Variants in BACH2 observed in about 807,000 individuals in gnomAD.
BACH2 encodes the protein transcription regulator protein BACH2.
BACH2 carries 5 observed loss-of-function variants against 61.8 expected under a neutral mutation model. The ratio of observed to expected loss-of-function variants is 0.08; its 90% confidence interval spans 0.04 to 0.17. BACH2 has a LOEUF of 0.17. BACH2 is among the 10% of genes least tolerant of loss of function. The probability of loss-of-function intolerance (pLI) is 1.00; values close to 1 mark genes in which losing one functional copy is unlikely to be tolerated. For missense variants in BACH2, 824 were observed against 1,091.1 expected (o/e 0.76, Z 3.45); for synonymous variants, 446 against 440.1 (o/e 1.01, Z -0.17).
rs541226985 is a variant in BACH2 at position 90,157,876 on chromosome 6, C to T, written c.-162+48693G>A. 3.3e-5 allele frequency among the ~76,000 whole-genome samples: 5 copies of T among 152,174 alleles called. No individual in the cohort carries two copies. In the South Asian group the frequency reaches 1.0e-3, roughly 32 times the overall value. On this transcript the variant is annotated intron_variant, in intron 4 of 8. Transcript: ENST00000257749. ...TACTGATCACTAGAAACACAGAGAC[C>T]AGGAACTGCCTGCACATAGACAATA...
At chr6:90,295,983 C>T (rs1195394436) in intron 1 of BACH2, among the ~76,000 whole-genome samples, 1 of 152,048 alleles carries the variant, frequency 6.6e-6, no homozygotes, top group Admixed American at 6.5e-5. Context: ...ATGCGCACGC[C>T]GAGGGTTAAG....
intron 5 of BACH2, among the ~76,000 whole-genome samples, chr6:90,072,123 T>G (rs1013633440): frequency 4.6e-5 from 7 of 152,206 alleles, no homozygotes; most frequent in African/African-American, 1.7e-4. Context: ...GTTTAAGGGT[T>G]AATTGTACTA....
chr6:90,065,189 T>C (rs1780885056), intron 5 of BACH2, among the ~76,000 whole-genome samples: 1 of 149,652 alleles, frequency 6.7e-6, no homozygotes, highest in Non-Finnish European at 1.5e-5. Flanking sequence ...AGGTTGAATA[T>C]GAAATCCTTG....
chr6:90,229,447 G>A (rs193142699), intron 3 of BACH2, among the ~76,000 whole-genome samples: 12 of 142,680 alleles, frequency 8.4e-5, no homozygotes, highest in African/African-American at 3.0e-4. Context: ...GCTACACAGC[G>A]AGACTTTGTC....
rs755392753 is a variant in BACH2 at position 89,951,515 on chromosome 6, G to A, written c.591C>T (p.Ile197=). The A allele has an allele frequency of 6.2e-7, 1 of 1,614,242 alleles. No individual in the cohort carries two copies. The highest frequency in any genetic ancestry group is 8.5e-7 in the Non-Finnish European group (1 of 1,180,042). The change falls in exon 7 of 9, where the codon ATC becomes ATT. Residue 197 remains isoleucine, a synonymous_variant. Coordinates refer to ENST00000257749, the MANE Select transcript of BACH2 (RefSeq NM_021813.4). The surrounding 1 kb of genome is among the most constrained non-coding windows in gnomAD (Gnocchi z 6.4). The part of the protein sequence containing the change: ...PEPISFEAAA[I]PVAEKEEALL... ...GGGCTTCTTCCTTCTCTGCTACGGG[G>A]ATGGCGGCGGCCTCAAAGCTGATGG...
chr6:90,141,342 A>G (rs1202830771), intron 4 of BACH2, among the ~76,000 whole-genome samples: 1 of 151,922 alleles, frequency 6.6e-6, no homozygotes, highest in Non-Finnish European at 1.5e-5. Flanking sequence ...CACCATATCC[A>G]GCTAATTTTT....
intron 1 of BACH2, among the ~76,000 whole-genome samples, chr6:90,292,390 G>A (rs1236049750): frequency 1.3e-5 from 2 of 152,172 alleles, no homozygotes; most frequent in African/African-American, 4.8e-5. Context: ...AAACTCCCAT[G>A]GAGGTCCTCA....
chr6:90,119,794 C>G (rs1020394244), intron 4 of BACH2, among the ~76,000 whole-genome samples: 3 of 152,066 alleles, frequency 2.0e-5, no homozygotes. Flanking sequence ...CGTTCATCCA[C>G]CTTGAAAAAA....
intron 5 of BACH2, among the ~76,000 whole-genome samples, chr6:90,072,287 A>G (rs1336874180): frequency 6.6e-6 from 1 of 152,146 alleles, no homozygotes; most frequent in Non-Finnish European, 1.5e-5. Flanking sequence ...GAACTGTTTG[A>G]TTAGGTTAGA....
intron 1 of BACH2, among the ~76,000 whole-genome samples, chr6:90,295,977 G>C (rs550923893): frequency 6.6e-6 from 1 of 152,158 alleles, no homozygotes; most frequent in African/African-American, 2.4e-5. Flanking sequence ...CCCGGGATGC[G>C]CACGCCGAGG....
At chr6:90,288,821 G>C (rs1562544400) in intron 1 of BACH2, among the ~76,000 whole-genome samples, 1 of 151,960 alleles carries the variant, frequency 6.6e-6, no homozygotes, top group Non-Finnish European at 1.5e-5. Flanking sequence ...ACCTCTTACA[G>C]GTATAGTTTT....
At chr6:90,095,713 C>T (rs1381558189) in intron 4 of BACH2, among the ~76,000 whole-genome samples, 2 of 152,090 alleles carry the variant, frequency 1.3e-5, no homozygotes, top group African/African-American at 2.4e-5. Context: ...AGACTTTATA[C>T]ATAAAAATTG....
Position 90,136,278 on chromosome 6 carries a change from G to A in BACH2, c.-161-47169C>T, listed in dbSNP as rs563053277. 1.2e-4 allele frequency among the ~76,000 whole-genome samples: 18 copies of A among 152,242 alleles called. 1 individual carries two copies. In the South Asian group the frequency reaches 3.5e-3, roughly 30 times the overall value. On this transcript the variant is annotated intron_variant, in intron 4 of 8. Coordinates refer to ENST00000257749, the MANE Select transcript of BACH2 (RefSeq NM_021813.4). ...GGGTCAGTTCTATTATGGATAAATA[G>A]GACTATTAACACTGGTGGCTGCTTT...
chr6:90,218,701 G>C (rs1769630258), intron 3 of BACH2, among the ~76,000 whole-genome samples: 1 of 151,988 alleles, frequency 6.6e-6, no homozygotes, highest in South Asian at 2.1e-4. Flanking sequence ...AGGCCTGACG[G>C]ATTTGGCTAA....
intron 6 of BACH2, among the ~76,000 whole-genome samples, chr6:89,984,289 A>G (rs772425943): frequency 6.6e-6 from 1 of 152,174 alleles, no homozygotes; most frequent in Non-Finnish European, 1.5e-5. Flanking sequence ...CTGAAACACA[A>G]GAAAAGAGAA....
intron 2 of BACH2, among the ~76,000 whole-genome samples, chr6:90,269,952 TC>T (rs1771467083): frequency 6.6e-6 from 1 of 152,166 alleles, no homozygotes; most frequent in Admixed American, 6.5e-5. Flanking sequence ...GTCTCCAGAG[TC>T]CATTATATCA....
chr6:90,130,952 T>C (rs780436323), intron 4 of BACH2, among the ~76,000 whole-genome samples: 1 of 152,240 alleles, frequency 6.6e-6, no homozygotes, highest in Non-Finnish European at 1.5e-5. Context: ...AATAAGGTAA[T>C]ACACATGCAA....
chr6:90,100,881 G>A (rs1782598664), intron 4 of BACH2, among the ~76,000 whole-genome samples: 1 of 152,106 alleles, frequency 6.6e-6, no homozygotes, highest in Non-Finnish European at 1.5e-5. Context: ...CAATGTATAA[G>A]GGTTCCAATT....
intron 2 of BACH2, among the ~76,000 whole-genome samples, chr6:90,271,152 T>C (rs902302519): frequency 1.3e-5 from 2 of 152,080 alleles, no homozygotes; most frequent in African/African-American, 4.8e-5. Context: ...CTTCTAGACA[T>C]TGGCTTAGGC....
Sources: gnomAD v4.1 joint callset for allele counts (sites outside exome capture counted in the v4.1 genomes callset) on GRCh38, gnomAD v4.1.1 for gene constraint, Gnocchi (gnomAD v3.1) non-coding constraint, MANE v1.5 for transcripts, NCBI Gene and HGNC (gene_info 2026-07-23, HGNC 2026-07-21) for gene names.